The following ZC3H7A variants were observed in gnomAD, a reference collection of about 807,000 sequenced individuals.
The protein encoded by ZC3H7A is zinc finger CCCH-type containing 7A, also known as zinc finger CCCH domain-containing protein 7A.
ZC3H7A carries 44 observed loss-of-function variants against 125.5 expected under a neutral mutation model. The ratio of observed to expected loss-of-function variants is 0.35; its 90% CI spans 0.28 to 0.45. The LOEUF (loss-of-function observed/expected upper bound fraction) is 0.45. Ranked by LOEUF, ZC3H7A falls within the 20% of genes least tolerant of loss-of-function variation. The pLI is 1.00. For missense variants in ZC3H7A, 977 were observed against 1,170.7 expected, an observed-to-expected ratio of 0.83 and a Z score of 2.41; for synonymous variants, 399 against 391.2, an observed-to-expected ratio of 1.02 and a Z score of -0.23.
intron 21 of ZC3H7A, chr16:11,753,163 G>A (rs984984480): frequency 1.6e-5 from 4 of 249,386 alleles, no homozygotes; most frequent in Non-Finnish European, 2.3e-5. Flanking sequence ...CAGAAAGGAT[G>A]AGAAAGACCA....
Position 11,765,142 on chromosome 16 carries a change from A to T in ZC3H7A, c.1731T>A (p.Asp577Glu). 6.5e-7 allele frequency: 1 copy of T among 1,545,472 alleles called. No homozygotes were observed. Among genetic ancestry groups the T allele is most frequent in the Non-Finnish European group, 8.7e-7 (1 of 1,143,856 alleles). Reference sequence around the variant, plus strand: ...TTTTACTTATCATTCTAGGCTTATGATCAAAACATTTCTGGAATAGAGAGA... The same window carrying T: ...TTTTACTTATCATTCTAGGCTTATGTTCAAAACATTTCTGGAATAGAGAGA... ...EFIFLCEKCF[D>E]HKPRMISKRN... Residue 577 changes from aspartate to glutamate, a missense_variant, in exon 15 of 23, where the codon GAT becomes GAA. Around this residue, in one of 3 missense-constraint regions of ZC3H7A, gnomAD observed 436 missense variants for 603.2 expected, o/e 0.72. Transcript: ENST00000355758. The surrounding 1 kb of genome is among the most constrained non-coding windows in gnomAD (Gnocchi z 4.8).
At chr16:11,769,784 C>CTTTCTTTTTTT (rs1485329734) in intron 10 of ZC3H7A, among the ~76,000 whole-genome samples, 1 of 61,608 alleles carries the variant, frequency 1.6e-5, no homozygotes, top group African/African-American at 9.7e-5. Context: ...CAATTGCTTT[C>CTTTCTTTTTTT]TTTTTTTTTT....
intron 1 of ZC3H7A, among the ~76,000 whole-genome samples, chr16:11,793,679 C>T (rs1234724328): frequency 6.6e-6 from 1 of 152,158 alleles, no homozygotes; most frequent in Non-Finnish European, 1.5e-5. Context: ...CCTTAATTGG[C>T]AACAGTATAT....
chr16:11,771,576 C>T (rs962618274), intron 9 of ZC3H7A, among the ~76,000 whole-genome samples: 1 of 151,798 alleles, frequency 6.6e-6, no homozygotes, highest in Non-Finnish European at 1.5e-5. Flanking sequence ...TCTCGGCTCA[C>T]TGCAACCTCC....
rs922665261 is a variant in ZC3H7A, at chr16:11,764,127, T to C, written c.1821-468A>G. ...TAAATTTTTATCGGAAAAAAAATCA[T>C]GGGGGCTGGGCACAGTGGCTCACAC... On this transcript the variant is annotated intron_variant, in intron 15 of 22. Coordinates refer to ENST00000355758, the MANE Select transcript of ZC3H7A (RefSeq NM_014153.4). Among the ~76,000 whole-genome samples the C allele has an allele frequency of 6.6e-5, 10 of 151,836 alleles. No individual in the cohort carries two copies. In the South Asian group the frequency reaches 1.9e-3, roughly 29 times the overall value.
intron 1 of ZC3H7A, among the ~76,000 whole-genome samples, chr16:11,796,679 G>C (rs1055811736): frequency 3.9e-5 from 6 of 152,062 alleles, no homozygotes; most frequent in African/African-American, 1.4e-4. Context: ...AATCAGAAAG[G>C]GGGGTAAAAA....
intron 1 of ZC3H7A, among the ~76,000 whole-genome samples, chr16:11,785,698 C>T (rs574287672): frequency 7.9e-5 from 12 of 152,296 alleles, no homozygotes; most frequent in African/African-American, 2.9e-4. Flanking sequence ...CTGCTCACTG[C>T]AACCTCCGCC....
chr16:11,765,525 G>T lies in ZC3H7A; in HGVS notation c.1683C>A (p.Leu561=). The T allele has an allele frequency of 1.2e-6, 2 of 1,613,736 alleles. No individual in the cohort carries two copies. Among genetic ancestry groups the T allele is most frequent in the Admixed American group, 3.3e-5 (2 of 59,978 alleles). ...ATATAAATTCCCCAAGATGCTCCTG[G>T]AGAAGTTTGAACACAGTAAGGTTAA... ...GKINLTVFKL[L]QEHLGEFIFL... Residue 561 remains leucine (L), a synonymous_variant, in exon 14 of 23, where the codon CTC becomes CTA. Coordinates refer to ENST00000355758, the MANE Select transcript of ZC3H7A (RefSeq NM_014153.4). This position sits in a 1 kb window ranked among gnomAD's most constrained non-coding sequence, Gnocchi z 4.8.
chr16:11,762,053 T>G lies in ZC3H7A; in HGVS notation c.2080-10A>C, dbSNP rs761926505. On this transcript the variant is annotated splice_polypyrimidine_tract_variant and intron_variant, in intron 17 of 22. Coordinates refer to ENST00000355758, the MANE Select transcript of ZC3H7A (RefSeq NM_014153.4). ...TTTGATTACCAAGTACCTTAAACAA[T>G]TAAAAGATTCGTTTTAATTTTTTTA... 2 of 1,572,606 alleles carry G rather than the reference T, an allele frequency of 1.3e-6. No homozygotes were observed. Among genetic ancestry groups the G allele is most frequent in the Non-Finnish European group, 1.7e-6 (2 of 1,163,066 alleles).
chr16:11,758,745 A>G (rs1261637233), intron 19 of ZC3H7A: 1 of 516,172 alleles, frequency 1.9e-6, no homozygotes, highest in Non-Finnish European at 3.4e-6. Flanking sequence ...AAATTTTTCA[A>G]AAGAAAATGT....
At chr16:11,783,997 G>A (rs1252436410) in intron 1 of ZC3H7A, among the ~76,000 whole-genome samples, 2 of 152,032 alleles carry the variant, frequency 1.3e-5, no homozygotes, top group Non-Finnish European at 2.9e-5. Flanking sequence ...GGGGCTGTGA[G>A]GTGGGGAGGA....
rs553937835 is a variant in ZC3H7A, at chr16:11,764,825, G to T, written c.1820+228C>A. On this transcript the variant is annotated intron_variant, in intron 15 of 22. Coordinates refer to ENST00000355758, the MANE Select transcript of ZC3H7A (RefSeq NM_014153.4). ...TAAAATACCTAAATCCATGTCATGA[G>T]AAACTATACATCAATAATGCTTTTC... The T allele has an allele frequency of 1.7e-5, 6 of 358,818 alleles. No individual in the cohort carries two copies. In the East Asian group the frequency reaches 2.0e-4, roughly 12 times the overall value. The allele number at this position is 358,818 out of a possible 1,614,324, so 22.2% of individuals were successfully genotyped here. A position where few individuals can be genotyped will look rare whatever the true frequency, so the allele number is the denominator to read the frequency against.
chr16:11,756,158 T>C, intron 21 of ZC3H7A, 79 bp downstream of exon 21: 1 of 1,541,124 alleles, frequency 6.5e-7, no homozygotes. Context: ...CGAGACTCCA[T>C]CTCAAAAAAA....
intron 15 of ZC3H7A, 175 bp downstream of exon 15, chr16:11,764,878 A>G (rs1451570541): frequency 2.1e-6 from 1 of 487,150 alleles, no homozygotes; most frequent in African/African-American, 2.0e-5. Flanking sequence ...TTAGTTAATT[A>G]TTCACTTTCC....
intron 22 of ZC3H7A, among the ~76,000 whole-genome samples, chr16:11,751,967 G>A (rs867940092): frequency 2.1e-5 from 3 of 140,852 alleles, no homozygotes; most frequent in Non-Finnish European, 3.0e-5. Context: ...GTGCAGTAAC[G>A]CAACCTCGGC....
chr16:11,793,202 T>C (rs954734981), intron 1 of ZC3H7A, among the ~76,000 whole-genome samples: 6 of 152,204 alleles, frequency 3.9e-5, no homozygotes, highest in South Asian at 4.1e-4. Flanking sequence ...GCACAGCATT[T>C]GTACTTTTGC....
chr16:11,774,908 A>C (rs1321010165), intron 8 of ZC3H7A, 72 bp downstream of exon 8: 1 of 1,477,086 alleles, frequency 6.8e-7, no homozygotes, highest in Admixed American at 1.7e-5. Context: ...ATTTGACAAT[A>C]CATCACATAC....
chr16:11,775,049 T>G, intron 7 of ZC3H7A, 36 bp from the exon 8 acceptor site: 1 of 1,610,750 alleles, frequency 6.2e-7, no homozygotes, highest in Non-Finnish European at 8.5e-7. Context: ...TATAATATTT[T>G]CAGGACTCTA....
chr16:11,788,927 A>G (rs766091434), intron 1 of ZC3H7A, among the ~76,000 whole-genome samples: 2 of 152,046 alleles, frequency 1.3e-5, no homozygotes, highest in Non-Finnish European at 2.9e-5. Flanking sequence ...AAGATATTCT[A>G]TAGAACGATT....
Sources: allele counts gnomAD v4.1 joint callset (sites outside exome capture counted in the v4.1 genomes callset), GRCh38; gene constraint gnomAD v4.1.1; regional missense constraint gnomAD v4.1.1; non-coding constraint Gnocchi (gnomAD v3.1); transcripts MANE v1.5; gene names NCBI Gene and HGNC (gene_info 2026-07-23, HGNC 2026-07-21).